DYNC2H1: variants seen among roughly 807,000 people sequenced by gnomAD.
DYNC2H1 encodes the protein dynein cytoplasmic 2 heavy chain 1.
Under a neutral mutation model 570.0 loss-of-function variants are expected in DYNC2H1, and 410 were observed. That is an observed-to-expected ratio of 0.72 (90% confidence interval 0.66 to 0.78). DYNC2H1 has a LOEUF of 0.78. Among genes scored for constraint, DYNC2H1 ranks in the 30% least tolerant of loss-of-function variants. The pLI is 0.00. For synonymous variants in DYNC2H1, 1,688 were observed against 1,677.6 expected, an observed-to-expected ratio of 1.01 and a Z score of -0.15; for missense variants, 4,865 against 5,046.4, an observed-to-expected ratio of 0.96 and a Z score of 1.09.
intron 13 of DYNC2H1, among the ~76,000 whole-genome samples, chr11:103,132,621 AAAC>A (rs1310710819): frequency 7.0e-6 from 1 of 143,096 alleles, no homozygotes; most frequent in Non-Finnish European, 1.5e-5. Context: ...ATATTTTAGA[AAAC>A]AGTCTCTTTG....
rs1863550731 is a variant in DYNC2H1 at position 103,220,653 on chromosome 11, GGAAACATTAAGCCC to G, written c.8981_8994del (p.Asn2994IlefsTer13). ...AGTCAATGAAGCTAAACTAGCAGTT[GGAAACATTAAGCCC>G]GAATCACTTTCAGAAATTCGCTCAC... On this transcript the variant is annotated frameshift_variant, in exon 57 of 89. Transcript: ENST00000375735. LOFTEE classifies it high-confidence loss of function. 1 of 1,610,146 alleles carries G rather than the reference GGAAACATTAAGCCC, an allele frequency of 6.2e-7. No homozygotes were observed. Among genetic ancestry groups the G allele is most frequent in the African/African-American group, 1.3e-5 (1 of 74,828 alleles).
At chr11:103,407,266 A>AT (rs1172703506) in intron 84 of DYNC2H1, 1 of 151,868 alleles carries the variant, frequency 6.6e-6, no homozygotes, top group African/African-American at 2.4e-5. Context: ...GATAACCAGC[A>AT]TTTTCAGGGT....
chr11:103,159,593 G>A (rs1305068675), intron 28 of DYNC2H1, among the ~76,000 whole-genome samples: 3 of 152,068 alleles, frequency 2.0e-5, no homozygotes, highest in Admixed American at 6.5e-5. Flanking sequence ...CTTTGATGTT[G>A]TAGAGTCACT....
intron 20 of DYNC2H1, among the ~76,000 whole-genome samples, chr11:103,149,947 G>A (rs1860454061): frequency 6.6e-6 from 1 of 152,164 alleles, no homozygotes; most frequent in South Asian, 2.1e-4. Flanking sequence ...GAAAGAGCCA[G>A]CCATTCTGAG....
rs768073104 is a variant in DYNC2H1 at position 103,302,658 on chromosome 11, C to T, written c.11096-435C>T. 7.9e-5 allele frequency among the ~76,000 whole-genome samples: 12 copies of T among 152,138 alleles called. No homozygotes were observed. The East Asian group carries it at 9.6e-4, about 12-fold the overall frequency. The stretch of plus-strand genomic sequence containing the variant: ...CATGAGAAATCTGATTCCCCATATG[C>T]GTGACACAGAGTAGGCACTCAACTA... On this transcript the variant is annotated intron_variant, in intron 75 of 88. Transcript: ENST00000375735.
chr11:103,422,683 C>A (rs1454260565), intron 84 of DYNC2H1, among the ~76,000 whole-genome samples: 1 of 152,108 alleles, frequency 6.6e-6, no homozygotes, highest in African/African-American at 2.4e-5. Context: ...ATTGAAGGAA[C>A]ATATCTCAGG....
intron 81 of DYNC2H1, among the ~76,000 whole-genome samples, chr11:103,322,730 C>A (rs889148013): frequency 2.6e-5 from 4 of 152,096 alleles, no homozygotes; most frequent in Non-Finnish European, 5.9e-5. Context: ...TATAACTCTA[C>A]AAAGAGTAAA....
chr11:103,130,003 G>A (rs539511890), intron 13 of DYNC2H1, among the ~76,000 whole-genome samples: 52 of 152,274 alleles, frequency 3.4e-4, no homozygotes, highest in Middle Eastern at 3.4e-3. Flanking sequence ...ATCAGCAAAG[G>A]GAAAGGTGCA....
intron 79 of DYNC2H1, among the ~76,000 whole-genome samples, chr11:103,316,340 T>C (rs1016683558): frequency 2.0e-5 from 3 of 152,098 alleles, no homozygotes; most frequent in African/African-American, 7.2e-5. Flanking sequence ...TATGGTATTA[T>C]AAAGTACTTT....
chr11:103,336,890 T>C (rs1257566034), intron 82 of DYNC2H1, among the ~76,000 whole-genome samples: 1 of 152,192 alleles, frequency 6.6e-6, no homozygotes, highest in East Asian at 1.9e-4. Flanking sequence ...GATTTCCTTT[T>C]TTTTGGATAT....
intron 11 of DYNC2H1, among the ~76,000 whole-genome samples, chr11:103,123,760 AGTTT>A (rs1858844496): frequency 6.6e-6 from 1 of 152,078 alleles, no homozygotes; most frequent in African/African-American, 2.4e-5. Context: ...GCTGTTAGTA[AGTTT>A]GTTTAACTTT....
At position 103,415,743 on chromosome 11, in the gene DYNC2H1, G is replaced by A. The variant is rs544442593; in HGVS notation, c.12366+15871G>A. On this transcript the variant is annotated intron_variant, in intron 84 of 88. Coordinates refer to ENST00000375735, the MANE Select transcript of DYNC2H1 (RefSeq NM_001377.3). Reference sequence around the variant, plus strand: ...CAACCATTGTGGAAGACAGTGTGGCGATTCCTCAAGGATCTGGAACTAGAA... The same window carrying A: ...CAACCATTGTGGAAGACAGTGTGGCAATTCCTCAAGGATCTGGAACTAGAA... Among the ~76,000 whole-genome samples, 15 of 152,270 alleles carry A rather than the reference G, an allele frequency of 9.9e-5. 1 individual carries two copies. In the South Asian group the frequency reaches 2.3e-3, roughly 23 times the overall value.
intron 85 of DYNC2H1, among the ~76,000 whole-genome samples, chr11:103,447,866 C>T (rs1272828685): frequency 2.0e-5 from 3 of 151,638 alleles, no homozygotes; most frequent in Non-Finnish European, 4.4e-5. Context: ...ATGTTTTGTC[C>T]AATATTTTTA....
intron 59 of DYNC2H1, among the ~76,000 whole-genome samples, chr11:103,224,253 T>A (rs12417558): frequency 0.76 from 114,964 of 151,876 alleles, 44,019 homozygotes; most frequent in Admixed American, 0.83. Context: ...TATGTTCTTT[T>A]AAAAAAAAAA....
intron 66 of DYNC2H1, 72 bp downstream of exon 66, chr11:103,253,520 A>G: frequency 7.2e-7 from 1 of 1,398,054 alleles, no homozygotes; most frequent in Middle Eastern, 1.8e-4. Context: ...ATTGTGAGTG[A>G]GAAGCTATTT....
intron 83 of DYNC2H1, among the ~76,000 whole-genome samples, chr11:103,375,245 G>A (rs1270461281): frequency 1.3e-5 from 2 of 152,226 alleles, no homozygotes; most frequent in African/African-American, 4.8e-5. Context: ...ATTTCAGAGG[G>A]TGTATGGTAA....
At chr11:103,219,592 A>G (rs1474918420) in intron 55 of DYNC2H1, among the ~76,000 whole-genome samples, 2 of 152,230 alleles carry the variant, frequency 1.3e-5, no homozygotes, top group Non-Finnish European at 2.9e-5. Context: ...AGCCTGGGCG[A>G]CAAGAGCAAG....
intron 82 of DYNC2H1, among the ~76,000 whole-genome samples, chr11:103,345,291 T>G (rs1298234909): frequency 6.6e-6 from 1 of 152,086 alleles, no homozygotes; most frequent in Non-Finnish European, 1.5e-5. Flanking sequence ...AGTTTTTTTT[T>G]TGGCTATTGA....
intron 83 of DYNC2H1, among the ~76,000 whole-genome samples, chr11:103,362,333 C>CT (rs1230736946): frequency 0.012 from 297 of 25,148 alleles, 2 homozygotes; most frequent in African/African-American, 0.023. Flanking sequence ...TTTTTTTTTT[C>CT]TTTTTTTTTT....
Sources: gnomAD v4.1 joint callset for allele counts (sites outside exome capture counted in the v4.1 genomes callset) on GRCh38, gnomAD v4.1.1 for gene constraint, MANE v1.5 for transcripts, NCBI Gene and HGNC (gene_info 2026-07-23, HGNC 2026-07-21) for gene names.